Variants in TENM4 observed in about 807,000 individuals in gnomAD.
TENM4 encodes the protein teneurin transmembrane protein 4, also known as teneurin-4.
In TENM4, 82 loss-of-function variants were observed where a neutral mutation model predicts 243.3. The ratio of observed to expected loss-of-function variants is 0.34; its 90% confidence interval spans 0.28 to 0.40. The LOEUF (loss-of-function observed/expected upper bound fraction) is 0.40. Ranked by LOEUF, TENM4 falls within the 10% of genes least tolerant of loss-of-function variation. The pLI is 1.00. For synonymous variants in TENM4, 1,412 were observed against 1,456.3 expected (o/e 0.97, Z 0.69); for missense variants, 3,138 against 3,673.3 (o/e 0.85, Z 3.77).
intron 3 of TENM4, among the ~76,000 whole-genome samples, chr11:79,164,351 A>ATATACTACATAGG (rs1295405709): frequency 1.1e-5 from 1 of 91,482 alleles, no homozygotes; most frequent in Non-Finnish European, 2.3e-5. Context: ...TACTATATAG[A>ATATACTACATAGG]TACTATATAT....
chr11:78,704,410 T>A (rs1859192970), intron 27 of TENM4, among the ~76,000 whole-genome samples: 1 of 152,050 alleles, frequency 6.6e-6, no homozygotes, highest in African/African-American at 2.4e-5. Flanking sequence ...ATGAAGCCAT[T>A]TTTAATAATG....
chr11:78,818,334 C>A (rs1300991123), intron 12 of TENM4, among the ~76,000 whole-genome samples: 1 of 152,090 alleles, frequency 6.6e-6, no homozygotes, highest in South Asian at 2.1e-4. Flanking sequence ...TATCATCTGC[C>A]GAAAAGCCTT....
intron 1 of TENM4, among the ~76,000 whole-genome samples, chr11:79,317,661 C>T (rs536186446): frequency 6.6e-6 from 1 of 152,214 alleles, no homozygotes; most frequent in Admixed American, 6.5e-5. Flanking sequence ...ATCAGAATGC[C>T]ACAAACAGAA....
chr11:79,008,120 G>A (rs1235653246), intron 6 of TENM4, among the ~76,000 whole-genome samples: 1 of 152,176 alleles, frequency 6.6e-6, no homozygotes, highest in East Asian at 1.9e-4. Context: ...ACGTGATGGA[G>A]TTACCCATTA....
intron 4 of TENM4, among the ~76,000 whole-genome samples, chr11:79,137,471 A>C (rs964800442): frequency 2.1e-4 from 32 of 152,178 alleles, no homozygotes; most frequent in African/African-American, 7.2e-4. Flanking sequence ...TCAGGAATGA[A>C]GGTTTGGATC....
At chr11:78,707,860 A>G (rs1217549233) in intron 27 of TENM4, among the ~76,000 whole-genome samples, 7 of 152,252 alleles carry the variant, frequency 4.6e-5, no homozygotes, top group Non-Finnish European at 1.0e-4. Flanking sequence ...GAGGCTCAAA[A>G]GAAAGTTACT....
At chr11:78,860,214 G>A (rs1011696143) in intron 10 of TENM4, among the ~76,000 whole-genome samples, 1 of 152,174 alleles carries the variant, frequency 6.6e-6, no homozygotes, top group African/African-American at 2.4e-5. Context: ...TAACTAATAT[G>A]GAATGGCATG....
In TENM4 at chr11:79,341,694, A is replaced by C. The variant is rs530363991; in HGVS notation, c.-320-44151T>G. 2.6e-5 allele frequency among the ~76,000 whole-genome samples: 4 copies of C among 152,306 alleles called. No individual in the cohort carries two copies. In the South Asian group the frequency reaches 8.3e-4, roughly 32 times the overall value. On this transcript the variant is annotated intron_variant, in intron 1 of 33. Coordinates refer to ENST00000278550, the MANE Select transcript of TENM4 (RefSeq NM_001098816.3). ...AATTGGGGCCTCTCTGTGCTCTCTG[A>C]GAGGTTCAGTGAATTCTTGTGTGAA...
intron 1 of TENM4, among the ~76,000 whole-genome samples, chr11:79,318,685 A>T (rs1351562294): frequency 1.3e-5 from 2 of 152,230 alleles, no homozygotes; most frequent in African/African-American, 4.8e-5. Context: ...AATGTAGTAA[A>T]ATAACCAGAA....
chr11:78,709,296 T>A (rs934946674), intron 26 of TENM4, among the ~76,000 whole-genome samples: 3 of 152,160 alleles, frequency 2.0e-5, no homozygotes, highest in Non-Finnish European at 4.4e-5. Context: ...CTTATTATTT[T>A]AGTCTCACTG....
intron 1 of TENM4, among the ~76,000 whole-genome samples, chr11:79,307,718 C>A (rs566872701): frequency 1.3e-4 from 20 of 152,308 alleles, no homozygotes; most frequent in African/African-American, 4.8e-4. Context: ...TGACCCTGGG[C>A]TTTTTGCTCT....
chr11:78,850,061 C>CTG (rs142162971), intron 12 of TENM4, among the ~76,000 whole-genome samples: 19,281 of 149,564 alleles, frequency 0.13, 2,831 homozygotes, highest in African/African-American at 0.37. Flanking sequence ...TTTCAGTGCT[C>CTG]TGTGTGTGTG....
At chr11:78,972,567 G>A (rs1857570350) in intron 6 of TENM4, among the ~76,000 whole-genome samples, 2 of 152,080 alleles carry the variant, frequency 1.3e-5, no homozygotes, top group South Asian at 4.1e-4. Context: ...GAGCCCTTTA[G>A]GTTCCTCTGG....
chr11:78,792,689 T>G (rs1356370777), intron 15 of TENM4, among the ~76,000 whole-genome samples: 1 of 152,166 alleles, frequency 6.6e-6, no homozygotes, highest in Non-Finnish European at 1.5e-5. Context: ...GAAAAAAGCT[T>G]TAATGGAAGA....
At chr11:78,889,360 T>C (rs1855612280) in intron 9 of TENM4, among the ~76,000 whole-genome samples, 1 of 152,196 alleles carries the variant, frequency 6.6e-6, no homozygotes, top group Non-Finnish European at 1.5e-5. Flanking sequence ...CTCCACCTCC[T>C]TCCTGCTCCT....
At chr11:78,864,433 CAAAAAAAAAAA>C (rs145489804) in intron 9 of TENM4, among the ~76,000 whole-genome samples, 16 of 36,210 alleles carry the variant, frequency 4.4e-4, no homozygotes, top group African/African-American at 1.8e-3. Flanking sequence ...GACTCCGTCT[CAAAAAAAAAAA>C]AAAAAAAAAA....
chr11:79,062,484 T>C (rs1162876862), intron 6 of TENM4, among the ~76,000 whole-genome samples: 2 of 152,190 alleles, frequency 1.3e-5, no homozygotes, highest in African/African-American at 2.4e-5. Flanking sequence ...GAATGCTGCA[T>C]ACATCCTCCC....
At chr11:79,044,756 C>T (rs1019774532) in intron 6 of TENM4, among the ~76,000 whole-genome samples, 3 of 152,140 alleles carry the variant, frequency 2.0e-5, no homozygotes, top group South Asian at 2.1e-4. Context: ...TTGAGGATTA[C>T]GCAGACTACT....
At chr11:78,778,720 G>A in intron 16 of TENM4, 92 bp from the exon 17 acceptor site, 1 of 1,230,666 alleles carries the variant, frequency 8.1e-7, no homozygotes, top group Non-Finnish European at 1.2e-6. Context: ...CACAGACAAA[G>A]GGATTGTGCC....
Sources: allele counts gnomAD v4.1 joint callset (sites outside exome capture counted in the v4.1 genomes callset), GRCh38; gene constraint gnomAD v4.1.1; transcripts MANE v1.5; gene names NCBI Gene and HGNC (gene_info 2026-07-23, HGNC 2026-07-21).